SCN8A: variants seen among roughly 807,000 people sequenced by gnomAD.
SCN8A encodes the protein sodium voltage-gated channel alpha subunit 8.
In SCN8A, 30 loss-of-function variants were observed where a neutral mutation model predicts 184.1. That is an observed-to-expected ratio of 0.16 (90% CI 0.12 to 0.22). The LOEUF is 0.22. Ranked by LOEUF, SCN8A falls within the 10% of genes least tolerant of loss-of-function variation. The pLI, the probability that SCN8A is intolerant of heterozygous loss-of-function variation, is 1.00. For synonymous variants in SCN8A, 852 were observed against 907.0 expected, an observed-to-expected ratio of 0.94 and a Z score of 1.09; for missense variants, 1,057 against 2,498.9, an observed-to-expected ratio of 0.42 and a Z score of 12.30.
intron 11 of SCN8A, chr12:51,712,380 A>G: frequency 4.4e-6 from 3 of 689,308 alleles, no homozygotes; most frequent in Non-Finnish European, 7.8e-6. Flanking sequence ...ATTTGGGACG[A>G]CTGTCTCAAA....
In SCN8A at chr12:51,746,042, G is replaced by T. The variant is rs756286753; in HGVS notation, c.2131+7G>T. ...ACAAATACACTAGTAGAAGGTATGT[G>T]CCCTATAATGTCAGTCCAACCGCTG... is the stretch of plus-strand genomic sequence containing the variant. On this transcript the variant is annotated splice_region_variant and intron_variant, in intron 13 of 26. Transcript: ENST00000627620. 365 of 1,591,278 alleles carry T rather than the reference G, an allele frequency of 2.3e-4. 3 individuals carry two copies. The highest frequency in any genetic ancestry group is 1.0e-5 in the Non-Finnish European group (12 of 1,170,480).
chr12:51,679,127 T>G (rs1941280747), intron 2 of SCN8A, among the ~76,000 whole-genome samples: 1 of 151,490 alleles, frequency 6.6e-6, no homozygotes, highest in Admixed American at 6.6e-5. Context: ...CCAGGTGCAG[T>G]GGCTCACAGC....
chr12:51,724,174 G>A (rs535812906), intron 12 of SCN8A, among the ~76,000 whole-genome samples: 3 of 152,254 alleles, frequency 2.0e-5, no homozygotes, highest in East Asian at 1.9e-4. Context: ...GGCCGGGCAC[G>A]GTGGCTCATG....
intron 12 of SCN8A, among the ~76,000 whole-genome samples, chr12:51,733,479 G>A (rs979034017): frequency 3.3e-5 from 5 of 151,816 alleles, no homozygotes; most frequent in African/African-American, 9.7e-5. Context: ...GGGTTTTTTT[G>A]GAAATGTATT....
chr12:51,680,078 A>G (rs1941303737), intron 2 of SCN8A, among the ~76,000 whole-genome samples: 1 of 152,206 alleles, frequency 6.6e-6, no homozygotes, highest in East Asian at 1.9e-4. Flanking sequence ...AATTATTTCA[A>G]TAATAAAACA....
chr12:51,643,806 AAC>A (rs1940505802), intron 1 of SCN8A, among the ~76,000 whole-genome samples: 1 of 152,266 alleles, frequency 6.6e-6, no homozygotes, highest in Middle Eastern at 3.2e-3. Flanking sequence ...CTTCCTGTCC[AAC>A]ACAGAAATCT....
intron 1 of SCN8A, among the ~76,000 whole-genome samples, chr12:51,661,354 A>G (rs544539461): frequency 1.5e-4 from 23 of 152,306 alleles, no homozygotes; most frequent in Middle Eastern, 6.8e-3. Context: ...ACTTGTGGTT[A>G]TGGCCTCTTT....
chr12:51,652,854 T>A (rs891403211), intron 1 of SCN8A, among the ~76,000 whole-genome samples: 46 of 152,360 alleles, frequency 3.0e-4, no homozygotes, highest in African/African-American at 9.9e-4. Context: ...TTTGCCTGTT[T>A]ACCTGTCTAC....
intron 11 of SCN8A, among the ~76,000 whole-genome samples, chr12:51,716,835 A>C (rs1470990543): frequency 1.3e-5 from 2 of 152,148 alleles, no homozygotes; most frequent in African/African-American, 2.4e-5. Context: ...CTTGTTTTTC[A>C]TGTACAGATC....
intron 12 of SCN8A, among the ~76,000 whole-genome samples, chr12:51,740,891 C>T (rs1942411700): frequency 6.6e-6 from 1 of 152,286 alleles, no homozygotes; most frequent in Non-Finnish European, 1.5e-5. Context: ...CTCAAGTGAT[C>T]CTCCTGCCTC....
chr12:51,804,322 C>G (rs529689510), intron 26 of SCN8A, among the ~76,000 whole-genome samples: 1 of 151,732 alleles, frequency 6.6e-6, no homozygotes, highest in South Asian at 2.1e-4. Context: ...TTCTTTTTCT[C>G]TTTTCTTTTT....
At chr12:51,784,125 T>C (rs1299740970) in intron 21 of SCN8A, among the ~76,000 whole-genome samples, 2 of 152,268 alleles carry the variant, frequency 1.3e-5, no homozygotes, top group African/African-American at 2.4e-5. Flanking sequence ...ATAAGAAATA[T>C]GATCTCTTGC....
At chr12:51,650,897 C>G (rs1159028840) in intron 1 of SCN8A, among the ~76,000 whole-genome samples, 1 of 152,096 alleles carries the variant, frequency 6.6e-6, no homozygotes, top group African/African-American at 2.4e-5. Context: ...AGAGATTTAC[C>G]CATGTATTTA....
chr12:51,692,272 A>T (rs1941523331), intron 6 of SCN8A, among the ~76,000 whole-genome samples: 1 of 152,048 alleles, frequency 6.6e-6, no homozygotes, highest in African/African-American at 2.4e-5. Context: ...TAGAGCACTC[A>T]CCCACCCCCA....
chr12:51,811,498 C>A lies in SCN8A; in HGVS notation c.*4069C>A, dbSNP rs1938895535. 1 of 152,414 alleles carries A rather than the reference C, an allele frequency of 6.6e-6. No homozygotes were observed. Among genetic ancestry groups the A allele is most frequent in the African/African-American group, 2.4e-5 (1 of 41,480 alleles). 9.4% of individuals were successfully genotyped at this position (152,414 alleles called of 1,614,324 possible). A position where few individuals can be genotyped will look rare whatever the true frequency, so the allele number is the denominator to read the frequency against. On this transcript the variant is annotated 3_prime_UTR_variant, in exon 27 of 27. Transcript: ENST00000627620. Reference sequence around the variant, plus strand: ...AAAACCCTATCCCTGTGCCCCAAAGCTAGGGCATGTGCGATGCCCAACAGC... The same window carrying A: ...AAAACCCTATCCCTGTGCCCCAAAGATAGGGCATGTGCGATGCCCAACAGC...
rs1427727791 is a variant in SCN8A, at chr12:51,809,198, A to C, written c.*1769A>C. The C allele has an allele frequency of 2.6e-5, 4 of 152,198 alleles. No individual in the cohort carries two copies. 9.4% of individuals were successfully genotyped at this position (152,198 alleles called of 1,614,324 possible). On this transcript the variant is annotated 3_prime_UTR_variant, in exon 27 of 27. Coordinates refer to ENST00000627620, the MANE Select transcript of SCN8A (RefSeq NM_001330260.2). Reference sequence around the variant, plus strand: ...CTTTAGGAAAGACAGTTTTTAGTCCAGGGGTTTCTCACCTAATGACTGGAT... The same window carrying C: ...CTTTAGGAAAGACAGTTTTTAGTCCCGGGGTTTCTCACCTAATGACTGGAT...
At chr12:51,605,459 A>G (rs1375892317) in intron 1 of SCN8A, among the ~76,000 whole-genome samples, 4 of 152,166 alleles carry the variant, frequency 2.6e-5, no homozygotes, top group Non-Finnish European at 5.9e-5. Flanking sequence ...GTATTCCATC[A>G]TATATACACC....
At chr12:51,761,307 C>T (rs1020063522) in intron 14 of SCN8A, among the ~76,000 whole-genome samples, 8 of 152,138 alleles carry the variant, frequency 5.3e-5, no homozygotes, top group African/African-American at 1.9e-4. Flanking sequence ...GTCATTTTTA[C>T]ACACAATAAG....
intron 17 of SCN8A, among the ~76,000 whole-genome samples, chr12:51,769,579 C>A (rs561612965): frequency 1.6e-4 from 24 of 152,236 alleles, no homozygotes; most frequent in South Asian, 2.1e-4. Flanking sequence ...TGGGATAAGC[C>A]CTCGAGTACT....
Sources: gnomAD v4.1 joint callset for allele counts (sites outside exome capture counted in the v4.1 genomes callset) on GRCh38, gnomAD v4.1.1 for gene constraint, MANE v1.5 for transcripts, NCBI Gene and HGNC (gene_info 2026-07-23, HGNC 2026-07-21) for gene names.